NRXN3: variants seen among roughly 807,000 people sequenced by gnomAD.
NRXN3 encodes neurexin III.
Under a neutral mutation model 137.6 loss-of-function variants are expected in NRXN3, and 32 were observed. That is an observed-to-expected ratio of 0.23 (90% confidence interval 0.18 to 0.31). NRXN3 has a LOEUF of 0.31. Ranked by LOEUF, NRXN3 falls within the 10% of genes least tolerant of loss-of-function variation. The pLI is 1.00. For synonymous variants in NRXN3, 798 were observed against 784.5 expected (o/e 1.02, Z -0.29); for missense variants, 1,574 against 2,062.5 (o/e 0.76, Z 4.59).
intron 15 of NRXN3, among the ~76,000 whole-genome samples, chr14:79,095,974 T>TA (rs2050242385): frequency 6.6e-6 from 1 of 152,138 alleles, no homozygotes; most frequent in Admixed American, 6.5e-5. Flanking sequence ...TAGAAAATTT[T>TA]AAAAATTTTT....
chr14:79,048,210 G>C (rs550415408), intron 15 of NRXN3, among the ~76,000 whole-genome samples: 16 of 152,232 alleles, frequency 1.1e-4, no homozygotes, highest in African/African-American at 3.9e-4. Context: ...TTCAAAACTA[G>C]GCAAAATTAA....
intron 6 of NRXN3, among the ~76,000 whole-genome samples, chr14:78,674,332 C>T (rs1025824081): frequency 6.6e-6 from 1 of 152,186 alleles, no homozygotes; most frequent in African/African-American, 2.4e-5. Flanking sequence ...GATTATTCTG[C>T]AAATAATGGG....
intron 16 of NRXN3, among the ~76,000 whole-genome samples, chr14:79,478,890 T>C (rs1446335377): frequency 1.3e-5 from 2 of 152,068 alleles, no homozygotes; most frequent in African/African-American, 4.8e-5. Context: ...CTGGACCCTG[T>C]AAGCTGTTGT....
intron 19 of NRXN3, among the ~76,000 whole-genome samples, chr14:79,777,365 A>AGATGG (rs1205996726): frequency 4.6e-5 from 7 of 152,254 alleles, no homozygotes; most frequent in Admixed American, 3.9e-4. Flanking sequence ...GGATAGGGAG[A>AGATGG]GATTTAGGCA....
intron 20 of NRXN3, among the ~76,000 whole-genome samples, chr14:79,850,065 A>C (rs2099388538): frequency 6.6e-6 from 1 of 152,136 alleles, no homozygotes; most frequent in South Asian, 2.1e-4. Flanking sequence ...CAGACACAAA[A>C]ATCAAATCTA....
At chr14:79,280,511 TC>T in intron 15 of NRXN3, 1 of 1,612,948 alleles carries the variant, frequency 6.2e-7, no homozygotes. Context: ...TATCTATCGT[TC>T]CCCTGTTTCC....
At chr14:78,208,074 T>A (rs941290555) in intron 1 of NRXN3, among the ~76,000 whole-genome samples, 1 of 152,234 alleles carries the variant, frequency 6.6e-6, no homozygotes, top group African/African-American at 2.4e-5. Flanking sequence ...ATCTGTCTGT[T>A]CTTCAATTTT....
chr14:78,636,941 A>G (rs990035063), intron 4 of NRXN3, among the ~76,000 whole-genome samples: 10 of 152,018 alleles, frequency 6.6e-5, no homozygotes, highest in African/African-American at 2.4e-4. Context: ...GTGCAGTACA[A>G]TTGGCAAACA....
intron 8 of NRXN3, among the ~76,000 whole-genome samples, chr14:78,761,704 G>A (rs993225514): frequency 6.6e-6 from 1 of 152,130 alleles, no homozygotes; most frequent in Admixed American, 6.5e-5. Flanking sequence ...TGTGGCTTGT[G>A]GTAGAGTACA....
intron 4 of NRXN3, among the ~76,000 whole-genome samples, chr14:78,500,567 G>A (rs575432953): frequency 4.6e-5 from 7 of 152,132 alleles, no homozygotes; most frequent in Admixed American, 3.3e-4. Context: ...AGACTTCCAC[G>A]GATACCCCCT....
intron 15 of NRXN3, among the ~76,000 whole-genome samples, chr14:79,084,703 G>A (rs1290144953): frequency 2.0e-5 from 3 of 152,036 alleles, no homozygotes; most frequent in Non-Finnish European, 4.4e-5. Context: ...GGTGACTTTG[G>A]TTGGTTCTTA....
chr14:78,195,205 G>T (rs1486911267), intron 1 of NRXN3, among the ~76,000 whole-genome samples: 2 of 152,146 alleles, frequency 1.3e-5, no homozygotes, highest in African/African-American at 4.8e-5. Context: ...ACCCGAAGAG[G>T]CCAGTATGAA....
chr14:79,332,498 C>A (rs555866666), intron 15 of NRXN3, among the ~76,000 whole-genome samples: 2 of 152,134 alleles, frequency 1.3e-5, no homozygotes, highest in Admixed American at 6.5e-5. Flanking sequence ...TTCTACTCAC[C>A]GTTTAAGACC....
At chr14:78,706,088 T>A (rs539783280) in intron 6 of NRXN3, among the ~76,000 whole-genome samples, 1 of 152,330 alleles carries the variant, frequency 6.6e-6, no homozygotes. Flanking sequence ...CAATGCCTGA[T>A]CTCTCTTTCT....
intron 4 of NRXN3, among the ~76,000 whole-genome samples, chr14:78,446,075 C>T (rs565412722): frequency 3.9e-5 from 6 of 152,280 alleles, no homozygotes; most frequent in Admixed American, 2.0e-4. Context: ...CTTGACAGTG[C>T]GTGCACCTGA....
At chr14:79,373,062 A>T (rs2094157670) in intron 15 of NRXN3, among the ~76,000 whole-genome samples, 1 of 152,132 alleles carries the variant, frequency 6.6e-6, no homozygotes, top group Non-Finnish European at 1.5e-5. Context: ...TCAACACCCC[A>T]AATTACTGTC....
chr14:79,427,786 C>T lies in NRXN3; in HGVS notation c.3263-39435C>T, dbSNP rs765381628. On this transcript the variant is annotated intron_variant, in intron 15 of 20. Transcript: ENST00000335750. Reference sequence around the variant, plus strand: ...GTTGGAGGTTGAAGAGAGCTGAGATCGCACCACTGCACTCCAGCCTGGCGA... The same window carrying T: ...GTTGGAGGTTGAAGAGAGCTGAGATTGCACCACTGCACTCCAGCCTGGCGA... Among the ~76,000 whole-genome samples the T allele has an allele frequency of 2.0e-5, 3 of 150,150 alleles. No individual in the cohort carries two copies. The South Asian group carries it at 6.3e-4, about 32-fold the overall frequency.
chr14:78,351,355 G>A (rs187496883), intron 4 of NRXN3, among the ~76,000 whole-genome samples: 1 of 152,132 alleles, frequency 6.6e-6, no homozygotes, highest in African/African-American at 2.4e-5. Context: ...TACTAGAAAT[G>A]GAATTTTTAG....
intron 19 of NRXN3, among the ~76,000 whole-genome samples, chr14:79,787,276 T>C (rs1333269715): frequency 6.6e-6 from 1 of 152,166 alleles, no homozygotes; most frequent in Non-Finnish European, 1.5e-5. Context: ...AACTGACAAA[T>C]TAATAATTGT....
Sources: gnomAD v4.1 joint callset for allele counts (sites outside exome capture counted in the v4.1 genomes callset) on GRCh38, gnomAD v4.1.1 for gene constraint, MANE v1.5 for transcripts, NCBI Gene and HGNC (gene_info 2026-07-23, HGNC 2026-07-21) for gene names.